The following MAP7 variants were observed in gnomAD, a reference collection of about 807,000 sequenced individuals.
MAP7 encodes the protein microtubule associated protein 7.
Under a neutral mutation model 94.8 loss-of-function variants are expected in MAP7, and 52 were observed. The observed-to-expected ratio is 0.55, with a 90% CI of 0.44 to 0.69. The LOEUF is 0.69. MAP7 is among the 30% of genes least tolerant of loss of function. The pLI, the probability that MAP7 is intolerant of heterozygous loss-of-function variation, is 0.00. For synonymous variants in MAP7, 350 were observed against 357.0 expected, an observed-to-expected ratio of 0.98 and a Z score of 0.22; for missense variants, 940 against 964.6, an observed-to-expected ratio of 0.97 and a Z score of 0.34.
intron 1 of MAP7, among the ~76,000 whole-genome samples, chr6:136,485,784 G>T (rs954597632): frequency 6.6e-6 from 1 of 151,692 alleles, no homozygotes; most frequent in Non-Finnish European, 1.5e-5. Context: ...GGATGGTCTC[G>T]ATCTCCTGAC....
intron 1 of MAP7, among the ~76,000 whole-genome samples, chr6:136,432,102 T>G (rs1263212908): frequency 2.0e-5 from 3 of 152,148 alleles, no homozygotes; most frequent in Non-Finnish European, 4.4e-5. Flanking sequence ...GTTGCTGGTC[T>G]AGTATCAGCA....
chr6:136,465,957 C>G (rs1806874907), intron 1 of MAP7, among the ~76,000 whole-genome samples: 1 of 152,012 alleles, frequency 6.6e-6, no homozygotes, highest in Non-Finnish European at 1.5e-5. Context: ...AATAAGGCAG[C>G]TTTATTATTC....
At position 136,418,867 on chromosome 6, in the gene MAP7, T is replaced by C. The variant is rs148495500; in HGVS notation, c.166+2834A>G. The stretch of plus-strand genomic sequence containing the variant: ...CAAGGCCAGCCCTCCAACACATAAC[T>C]CATATTGTCCTTTGAGGAGACTCAG... On this transcript the variant is annotated intron_variant, in intron 2 of 17. Coordinates refer to ENST00000354570, the MANE Select transcript of MAP7 (RefSeq NM_003980.6). Among the ~76,000 whole-genome samples, 862 of 152,292 alleles carry C rather than the reference T, an allele frequency of 5.7e-3. 16 individuals carry two copies. The highest frequency in any genetic ancestry group is 0.019 in the African/African-American group (801 of 41,562).
intron 1 of MAP7, chr6:136,466,984 T>A: frequency 2.6e-6 from 3 of 1,154,320 alleles, no homozygotes; most frequent in Non-Finnish European, 3.4e-6. Flanking sequence ...CCACTGTTTT[T>A]AAACAGTAAC....
At chr6:136,377,532 G>A (rs541887528) in intron 7 of MAP7, among the ~76,000 whole-genome samples, 2 of 152,310 alleles carry the variant, frequency 1.3e-5, no homozygotes, top group South Asian at 4.1e-4. Flanking sequence ...ATCGGAGCCC[G>A]GGGAGAGGCT....
chr6:136,398,225 C>G (rs539863864), intron 3 of MAP7, among the ~76,000 whole-genome samples: 5 of 152,208 alleles, frequency 3.3e-5, no homozygotes, highest in Non-Finnish European at 7.3e-5. Context: ...GGCCCACCCC[C>G]AGTCTTGCCA....
At chr6:136,408,111 A>C (rs2128729609) in intron 3 of MAP7, among the ~76,000 whole-genome samples, 1 of 152,284 alleles carries the variant, frequency 6.6e-6, no homozygotes, top group Middle Eastern at 3.4e-3. Flanking sequence ...CTTGGAAAAC[A>C]AAAAATAAAA....
At chr6:136,459,140 G>A (rs1204182212) in intron 1 of MAP7, among the ~76,000 whole-genome samples, 3 of 152,070 alleles carry the variant, frequency 2.0e-5, no homozygotes, top group Non-Finnish European at 4.4e-5. Context: ...CAACAGGTAT[G>A]TGAAAAGATG....
intron 1 of MAP7, among the ~76,000 whole-genome samples, chr6:136,456,798 GAAGAAGAAGAAGAAGAAGAAGA>G (rs1803149330): frequency 1.7e-5 from 1 of 60,562 alleles, no homozygotes; most frequent in Non-Finnish European, 3.8e-5. Context: ...AGAAGAAGAA[GAAGAAGAAGAAGAAGAAGAAGA>G]AGGAAGAAGA....
intron 1 of MAP7, among the ~76,000 whole-genome samples, chr6:136,500,586 C>T (rs980510658): frequency 2.6e-5 from 4 of 152,160 alleles, no homozygotes; most frequent in Non-Finnish European, 5.9e-5. Context: ...GACATACTAT[C>T]GTCCTCTAAA....
At chr6:136,525,764 G>T (rs1704273262) in intron 1 of MAP7, 1 of 1,468,940 alleles carries the variant, frequency 6.8e-7, no homozygotes, top group Non-Finnish European at 9.0e-7. Flanking sequence ...TTTATAAAAC[G>T]TTCTATAGGC....
chr6:136,424,887 C>T (rs1011040003), intron 1 of MAP7, among the ~76,000 whole-genome samples: 10 of 152,218 alleles, frequency 6.6e-5, no homozygotes, highest in African/African-American at 2.2e-4. Flanking sequence ...ATTTCAGTCA[C>T]TCTTTTTAAT....
At chr6:136,370,518 A>AAC (rs768626548) in intron 8 of MAP7, among the ~76,000 whole-genome samples, 11 of 152,244 alleles carry the variant, frequency 7.2e-5, no homozygotes, top group Non-Finnish European at 1.3e-4. Flanking sequence ...AATGTTCACC[A>AAC]ACACATGAAC....
At chr6:136,510,165 G>A (rs990938758) in intron 1 of MAP7, among the ~76,000 whole-genome samples, 9 of 152,190 alleles carry the variant, frequency 5.9e-5, no homozygotes, top group African/African-American at 1.7e-4. Flanking sequence ...TCGTGCCACT[G>A]TACTTCCAGC....
At chr6:136,429,831 G>A (rs1794366038) in intron 1 of MAP7, among the ~76,000 whole-genome samples, 2 of 152,118 alleles carry the variant, frequency 1.3e-5, no homozygotes, top group Admixed American at 6.5e-5. Context: ...AAAAATAGAA[G>A]AGAAAATGAT....
intron 1 of MAP7, among the ~76,000 whole-genome samples, chr6:136,507,475 C>CAA (rs10711278): frequency 0.014 from 1,221 of 87,200 alleles, 25 homozygotes; most frequent in African/African-American, 0.038. Flanking sequence ...AGAAGATTCT[C>CAA]AAAAAAAAAA....
chr6:136,421,847 T>A (rs1165063941), intron 1 of MAP7, 48 bp from the exon 2 acceptor site: 2 of 1,435,164 alleles, frequency 1.4e-6, no homozygotes, highest in East Asian at 4.5e-5. Context: ...TTTCTTAAAA[T>A]TTCTTCAGAA....
At chr6:136,360,455 G>C (rs1479532980) in intron 13 of MAP7, among the ~76,000 whole-genome samples, 1 of 152,218 alleles carries the variant, frequency 6.6e-6, no homozygotes, top group Non-Finnish European at 1.5e-5. Context: ...GTGCTGCTTT[G>C]TCTTAACTGG....
chr6:136,524,337 A>G (rs1429464593), intron 1 of MAP7, among the ~76,000 whole-genome samples: 2 of 152,206 alleles, frequency 1.3e-5, no homozygotes, highest in Non-Finnish European at 2.9e-5. Context: ...ACCACAAATC[A>G]AGAATGTTTC....
Sources: allele counts gnomAD v4.1 joint callset (sites outside exome capture counted in the v4.1 genomes callset), GRCh38; gene constraint gnomAD v4.1.1; transcripts MANE v1.5; gene names NCBI Gene and HGNC (gene_info 2026-07-23, HGNC 2026-07-21).